Variants in BSCL2 observed in about 807,000 individuals in gnomAD.
The protein encoded by BSCL2 is seipin.
Under a neutral mutation model 57.4 loss-of-function variants are expected in BSCL2, and 41 were observed. That is an observed-to-expected ratio of 0.71 (90% CI 0.56 to 0.93). BSCL2 has a LOEUF of 0.93. BSCL2 is among the 40% of genes least tolerant of loss of function. BSCL2 has a pLI of 0.00. For missense variants in BSCL2, 539 were observed against 586.7 expected (o/e 0.92, Z 0.84); for synonymous variants, 237 against 227.3 (o/e 1.04, Z -0.38).
chr11:62,695,565 G>A (rs905343095), intron 3 of BSCL2, among the ~76,000 whole-genome samples: 3 of 151,442 alleles, frequency 2.0e-5, no homozygotes, highest in African/African-American at 7.3e-5. Flanking sequence ...ACAAAAATTA[G>A]ATGGACGTGG....
chr11:62,706,394 C>G, intron 1 of BSCL2: 2 of 729,404 alleles, frequency 2.7e-6, no homozygotes, highest in Non-Finnish European at 3.8e-6. Context: ...CACGGCGGGG[C>G]GGGGCGGGAC....
chr11:62,694,280 T>C (rs1473583950), intron 4 of BSCL2, among the ~76,000 whole-genome samples: 1 of 138,092 alleles, frequency 7.2e-6, no homozygotes, highest in Non-Finnish European at 1.5e-5. Flanking sequence ...CTTGGCTCAC[T>C]GCAGACTCAA....
intron 3 of BSCL2, 131 bp downstream of exon 3, chr11:62,702,337 A>G (rs1329910326): frequency 1.8e-5 from 14 of 796,004 alleles, no homozygotes; most frequent in Non-Finnish European, 2.6e-5. Context: ...AAGTACTGGG[A>G]TTACAGGCGT....
At chr11:62,692,851 A>T in intron 4 of BSCL2, 54 bp from the exon 5 acceptor site, 4 of 1,607,276 alleles carry the variant, frequency 2.5e-6, no homozygotes, top group Non-Finnish European at 3.4e-6. Context: ...GATCCCCATG[A>T]CCCTACCTAC....
chr11:62,709,413 C>T (rs2083596028), upstream of BSCL2: 1 of 453,896 alleles, frequency 2.2e-6, no homozygotes, highest in South Asian at 1.6e-5. Flanking sequence ...AACACACACA[C>T]ACAAACGTGC....
At position 62,690,373 on chromosome 11, in the gene BSCL2, A is replaced by T. The variant is rs746128300; in HGVS notation, c.1383T>A (p.Ser461Arg). Residue 461 changes from serine to arginine, a missense_variant, in exon 11 of 11, where the codon AGT (serine) becomes AGA (arginine). By Grantham distance (110) the Ser-to-Arg change is moderately radical. Around this residue, in one of 3 missense-constraint regions of BSCL2, gnomAD observed 248 missense variants for 239.9 expected, o/e 1.03. Coordinates refer to ENST00000360796, the MANE Select transcript of BSCL2 (RefSeq NM_001122955.4). ...AGGAGTCTGCCCCTTTTCTTCAGGAACTAGAGCAGGTGGGGCGCTGTCGGA... is the reference window on the plus strand; with the variant it reads ...AGGAGTCTGCCCCTTTTCTTCAGGATCTAGAGCAGGTGGGGCGCTGTCGGA... ...GALRQRPTCS[S>R]S The T allele has an allele frequency of 1.2e-6, 2 of 1,614,010 alleles. No homozygotes were observed. The highest frequency in any genetic ancestry group is 2.2e-5 in the South Asian group (2 of 91,072).
chr11:62,692,214 G>A (rs1385013640), intron 6 of BSCL2, among the ~76,000 whole-genome samples, 162 bp downstream of exon 6: 2 of 152,082 alleles, frequency 1.3e-5, no homozygotes, highest in East Asian at 3.9e-4. Context: ...AGTTCCCCAG[G>A]GAGCTGATAG....
At chr11:62,709,419 C>A (rs912532200), upstream of BSCL2, 12 of 453,690 alleles carry the variant, frequency 2.6e-5, no homozygotes, top group Non-Finnish European at 3.5e-5. Context: ...CACACACAAA[C>A]GTGCAACGAA....
At chr11:62,705,246 A>T in intron 2 of BSCL2, 55 bp downstream of exon 2, 1 of 1,502,688 alleles carries the variant, frequency 6.7e-7, no homozygotes, top group Non-Finnish European at 9.1e-7. Context: ...AATGAACTCC[A>T]AGGGCCTTAC....
At chr11:62,693,379 C>G (rs1041113409) in intron 4 of BSCL2, among the ~76,000 whole-genome samples, 6 of 151,994 alleles carry the variant, frequency 3.9e-5, no homozygotes, top group Admixed American at 3.9e-4. Flanking sequence ...TGGTGAGCAC[C>G]TGTAGTCCCA....
Position 62,691,389 on chromosome 11 carries a change from G to GCGCA in BSCL2, c.892_895dup (p.Ala299ValfsTer40), listed in dbSNP as rs755560879. 1 of 1,614,206 alleles carries GCGCA rather than the reference G, an allele frequency of 6.2e-7. No homozygotes were observed. Among genetic ancestry groups the GCGCA allele is most frequent in the Non-Finnish European group, 8.5e-7 (1 of 1,180,044 alleles). On this transcript the variant is annotated frameshift_variant, in exon 7 of 11. Transcript: ENST00000360796. LOFTEE classifies it high-confidence loss of function. Reference sequence around the variant, plus strand: ...GAAGTTGCTGGCAACACCTATGAAGGCGCAGGTCATCGGGAAGTTGTATAG... The same window carrying GCGCA: ...GAAGTTGCTGGCAACACCTATGAAGGCGCACGCAGGTCATCGGGAAGTTGTATAG...
chr11:62,701,692 T>C (rs1222915003), intron 3 of BSCL2, among the ~76,000 whole-genome samples: 1 of 151,762 alleles, frequency 6.6e-6, no homozygotes, highest in Non-Finnish European at 1.5e-5. Context: ...ATTAGCTGGG[T>C]GTGGTGGCGC....
chr11:62,699,831 A>G (rs1477616148), intron 3 of BSCL2, among the ~76,000 whole-genome samples: 1 of 151,638 alleles, frequency 6.6e-6, no homozygotes, highest in East Asian at 2.0e-4. Flanking sequence ...GGTTTGTGCC[A>G]CCACACCTGG....
At chr11:62,693,962 GCAC>G (rs1945377579) in intron 4 of BSCL2, among the ~76,000 whole-genome samples, 1 of 152,028 alleles carries the variant, frequency 6.6e-6, no homozygotes, top group African/African-American at 2.4e-5. Flanking sequence ...TTACAAGCAT[GCAC>G]CACCATGCCC....
At chr11:62,696,229 T>C (rs910415665) in intron 3 of BSCL2, among the ~76,000 whole-genome samples, 1 of 151,490 alleles carries the variant, frequency 6.6e-6, no homozygotes, top group Non-Finnish European at 1.5e-5. Flanking sequence ...ATGAGATTCC[T>C]ACCCCCCTGT....
At chr11:62,696,779 A>T (rs940459339) in intron 3 of BSCL2, among the ~76,000 whole-genome samples, 2 of 151,970 alleles carry the variant, frequency 1.3e-5, no homozygotes, top group Non-Finnish European at 2.9e-5. Context: ...GCTGGTCTTG[A>T]ACTGCTGGAC....
At position 62,692,649 on chromosome 11, in the gene BSCL2, T is replaced by C. The variant is rs528070411; in HGVS notation, c.765+14A>G. 1.2e-6 allele frequency: 2 copies of C among 1,613,962 alleles called. No homozygotes were observed. The highest frequency in any genetic ancestry group is 1.1e-5 in the South Asian group (1 of 91,080). ...GGCTATCTCCTAGTCATAAAGCTCG[T>C]TCACCTCACTCACCGAGTTCTCTCT... On this transcript the variant is annotated intron_variant, in intron 5 of 10. Transcript: ENST00000360796.
At position 62,692,422 on chromosome 11, in the gene BSCL2, G is replaced by C. The variant is rs939879170; in HGVS notation, c.817C>G (p.Leu273Val). Residue 273 changes from leucine (L) to valine (V), a missense_variant, in exon 6 of 11, where the codon CTG becomes GTG. By Grantham distance (32) the Leu-to-Val change is conservative. This residue lies in a region of BSCL2 where 73 missense variants were observed against 122.0 expected (regional missense o/e 0.60). Transcript: ENST00000360796. ...IIEIHSKRIQ[L>V]YGAYLRIHAH... ...TGGATGCGGAGGTAGGCTCCATACA[G>C]CTGGATGCGCTTGCTGTGGATCTCA... The C allele has an allele frequency of 6.2e-7, 1 of 1,614,050 alleles. No individual in the cohort carries two copies. Among genetic ancestry groups the C allele is most frequent in the Non-Finnish European group, 8.5e-7 (1 of 1,180,048 alleles).
At chr11:62,692,128 G>A (rs1049132833) in intron 6 of BSCL2, among the ~76,000 whole-genome samples, 1 of 151,954 alleles carries the variant, frequency 6.6e-6, no homozygotes, top group African/African-American at 2.4e-5. Flanking sequence ...TGGCAGGGCG[G>A]AGGGAAGATG....
Sources: allele counts gnomAD v4.1 joint callset (sites outside exome capture counted in the v4.1 genomes callset), GRCh38; gene constraint gnomAD v4.1.1; regional missense constraint gnomAD v4.1.1; transcripts MANE v1.5; gene names NCBI Gene and HGNC (gene_info 2026-07-23, HGNC 2026-07-21).